The following RELN variants were observed in gnomAD, a reference collection of about 807,000 sequenced individuals.
The protein encoded by RELN is reelin.
Under a neutral mutation model 427.6 loss-of-function variants are expected in RELN, and 108 were observed. The ratio of observed to expected loss-of-function variants is 0.25; its 90% CI spans 0.22 to 0.30. The LOEUF (loss-of-function observed/expected upper bound fraction) is 0.30, where lower values mean the gene tolerates loss of function less well. Among genes scored for constraint, RELN ranks in the 10% least tolerant of loss-of-function variants. RELN has a pLI of 1.00. For missense variants in RELN, 3,715 were observed against 4,302.8 expected, an observed-to-expected ratio of 0.86 and a Z score of 3.82; for synonymous variants, 1,524 against 1,513.4, an observed-to-expected ratio of 1.01 and a Z score of -0.16.
At chr7:103,932,207 T>C (rs951948921) in intron 1 of RELN, among the ~76,000 whole-genome samples, 2 of 152,222 alleles carry the variant, frequency 1.3e-5, no homozygotes, top group African/African-American at 2.4e-5. Context: ...TACACAGCCA[T>C]AGAAAAGAAC....
At chr7:103,648,325 G>A (rs28869474) in intron 16 of RELN, among the ~76,000 whole-genome samples, 2,693 of 152,080 alleles carry the variant, frequency 0.018, 96 homozygotes, top group African/African-American at 0.061. Flanking sequence ...CATGTAAAAC[G>A]TGCCTGCTTC....
intron 3 of RELN, among the ~76,000 whole-genome samples, chr7:103,815,024 T>C (rs262371): frequency 0.98 from 149,759 of 152,352 alleles, 73,653 homozygotes; most frequent in Middle Eastern, 1. Flanking sequence ...AGTCTTAAAA[T>C]AGAAATATGT....
intron 46 of RELN, among the ~76,000 whole-genome samples, chr7:103,532,908 G>A (rs910332444): frequency 6.6e-6 from 1 of 152,126 alleles, no homozygotes; most frequent in African/African-American, 2.4e-5. Flanking sequence ...GATTATTGGT[G>A]ATTTCTGGCC....
chr7:103,897,371 G>A lies in RELN; in HGVS notation c.337+19704C>T, dbSNP rs1584344404. On this transcript the variant is annotated intron_variant, in intron 2 of 64. Coordinates refer to ENST00000428762, the MANE Select transcript of RELN (RefSeq NM_005045.4). ...TTGGTGACATCAGCTTTGGACACAGGAGAGTAGGTGCTACTGCTTGTGTGT... is the reference window on the plus strand; with the variant it reads ...TTGGTGACATCAGCTTTGGACACAGAAGAGTAGGTGCTACTGCTTGTGTGT... Among the ~76,000 whole-genome samples, 4 of 152,168 alleles carry A rather than the reference G, an allele frequency of 2.6e-5. 1 individual carries two copies. Among genetic ancestry groups the A allele is most frequent in the Admixed American group, 2.6e-4 (4 of 15,260 alleles).
intron 46 of RELN, 105 bp from the exon 47 acceptor site, chr7:103,523,636 A>C (rs1290870647): frequency 9.5e-7 from 1 of 1,050,408 alleles, no homozygotes; most frequent in East Asian, 2.4e-5. Flanking sequence ...AAGCATGTAC[A>C]TTCCTACTTC....
intron 2 of RELN, among the ~76,000 whole-genome samples, chr7:103,843,357 A>G (rs1793600512): frequency 6.6e-6 from 1 of 152,080 alleles, no homozygotes; most frequent in Non-Finnish European, 1.5e-5. Flanking sequence ...GGCACACACC[A>G]CTACGCCCAG....
intron 51 of RELN, among the ~76,000 whole-genome samples, chr7:103,504,922 G>T (rs149879657): frequency 0.035 from 5,294 of 152,284 alleles, 139 homozygotes; most frequent in African/African-American, 0.076. Context: ...TGAGGCTTGA[G>T]TAGGCGGTTT....
intron 3 of RELN, among the ~76,000 whole-genome samples, chr7:103,813,892 CAGA>C (rs1052694547): frequency 5.3e-5 from 8 of 152,070 alleles, no homozygotes; most frequent in Non-Finnish European, 7.4e-5. Flanking sequence ...TCTTTTCACC[CAGA>C]AGTTTTTCCT....
At chr7:103,764,309 C>G (rs1350380255) in intron 4 of RELN, among the ~76,000 whole-genome samples, 2 of 151,930 alleles carry the variant, frequency 1.3e-5, no homozygotes, top group Non-Finnish European at 2.9e-5. Flanking sequence ...TATGCAGTGG[C>G]CAAAAAGGTT....
chr7:103,711,472 G>A (rs1477147453), intron 8 of RELN, among the ~76,000 whole-genome samples: 7 of 152,032 alleles, frequency 4.6e-5, no homozygotes, highest in Admixed American at 3.3e-4. Flanking sequence ...TGCTTAGCAC[G>A]GCACAATCAA....
chr7:103,907,789 ACTT>A (rs1795248640), intron 2 of RELN, among the ~76,000 whole-genome samples: 2 of 83,890 alleles, frequency 2.4e-5, no homozygotes, highest in East Asian at 8.3e-4. Flanking sequence ...TTAAAAAAAA[ACTT>A]ATTTTTTTTT....
intron 10 of RELN, among the ~76,000 whole-genome samples, chr7:103,695,918 C>T (rs1463831724): frequency 1.3e-5 from 2 of 152,104 alleles, no homozygotes; most frequent in Non-Finnish European, 2.9e-5. Flanking sequence ...AGGTTTACTG[C>T]TTGTATTGAG....
At chr7:103,729,216 C>T (rs1009527347) in intron 6 of RELN, among the ~76,000 whole-genome samples, 1 of 152,130 alleles carries the variant, frequency 6.6e-6, no homozygotes, top group African/African-American at 2.4e-5. Flanking sequence ...CTTTCACATT[C>T]CAGGTGCCAA....
intron 36 of RELN, among the ~76,000 whole-genome samples, chr7:103,559,306 T>C (rs1376168390): frequency 1.3e-5 from 2 of 152,210 alleles, no homozygotes; most frequent in Non-Finnish European, 2.9e-5. Context: ...ATCCAGATAA[T>C]GCCAAATGTA....
At chr7:103,965,499 T>C (rs961818155) in intron 1 of RELN, among the ~76,000 whole-genome samples, 19 of 152,340 alleles carry the variant, frequency 1.2e-4, no homozygotes, top group African/African-American at 3.4e-4. Flanking sequence ...ATCATGTCTT[T>C]GAATGGAAAC....
chr7:103,697,237 T>C (rs777524527), intron 10 of RELN, among the ~76,000 whole-genome samples: 2 of 152,146 alleles, frequency 1.3e-5, no homozygotes, highest in African/African-American at 4.8e-5. Flanking sequence ...TCTAATGCCA[T>C]TGTATTGGAG....
rs1264173537 is a variant in RELN at position 103,626,189 on chromosome 7, T to G, written c.2702+3751A>C. Among the ~76,000 whole-genome samples, 2 of 152,132 alleles carry G rather than the reference T, an allele frequency of 1.3e-5. No individual in the cohort carries two copies. Among genetic ancestry groups the G allele is most frequent in the African/African-American group, 4.8e-5 (2 of 41,446 alleles). On this transcript the variant is annotated intron_variant, in intron 20 of 64. Coordinates refer to ENST00000428762, the MANE Select transcript of RELN (RefSeq NM_005045.4). This position sits in a 1 kb window ranked among gnomAD's most constrained non-coding sequence, Gnocchi z 4.4. ...AATATATACTTCTCAAAATTCCTCT[T>G]TAGTTAAAATTATCTGGCTTTAATT...
intron 2 of RELN, among the ~76,000 whole-genome samples, chr7:103,865,272 C>CA (rs1393433851): frequency 6.6e-6 from 1 of 151,464 alleles, no homozygotes; most frequent in African/African-American, 2.4e-5. Flanking sequence ...AAAAATTTCA[C>CA]AATGAAGAAA....
At chr7:103,887,279 G>A (rs1484353654) in intron 2 of RELN, among the ~76,000 whole-genome samples, 5 of 152,154 alleles carry the variant, frequency 3.3e-5, no homozygotes, top group Admixed American at 1.3e-4. Flanking sequence ...ACAGTGACAC[G>A]GAAGTGAGGA....
Sources: gnomAD v4.1 joint callset for allele counts (sites outside exome capture counted in the v4.1 genomes callset) on GRCh38, gnomAD v4.1.1 for gene constraint, Gnocchi (gnomAD v3.1) non-coding constraint, MANE v1.5 for transcripts, NCBI Gene and HGNC (gene_info 2026-07-23, HGNC 2026-07-21) for gene names.